UBR3: variants seen among roughly 807,000 people sequenced by gnomAD.
The protein encoded by UBR3 is E3 ubiquitin-protein ligase UBR3.
Under a neutral mutation model 243.2 loss-of-function variants are expected in UBR3, and 85 were observed. The observed-to-expected ratio is 0.35, with a 90% CI of 0.29 to 0.42. The LOEUF (loss-of-function observed/expected upper bound fraction) is 0.42, where lower values mean the gene tolerates loss of function less well. UBR3 is among the 10% of genes least tolerant of loss of function. UBR3 has a pLI of 1.00. For synonymous variants in UBR3, 748 were observed against 799.8 expected (o/e 0.94, Z 1.09); for missense variants, 1,686 against 2,300.8 (o/e 0.73, Z 5.47).
chr2:170,025,950 G>C (rs552069419), intron 30 of UBR3, among the ~76,000 whole-genome samples: 3 of 152,132 alleles, frequency 2.0e-5, no homozygotes, highest in Non-Finnish European at 4.4e-5. Context: ...GTTAGTCTGG[G>C]TGTATTGATT....
intron 23 of UBR3, among the ~76,000 whole-genome samples, chr2:169,955,718 TG>T (rs2087250684): frequency 1.4e-5 from 2 of 138,456 alleles, no homozygotes; most frequent in Admixed American, 1.7e-4. Flanking sequence ...TGCTTGAACC[TG>T]GGAGGCAGAG....
intron 33 of UBR3, among the ~76,000 whole-genome samples, chr2:170,056,145 C>CTATAGGCGCCTGCCA (rs919798439): frequency 2.0e-5 from 3 of 151,092 alleles, no homozygotes; most frequent in African/African-American, 7.3e-5. Flanking sequence ...GTAGCTGGGA[C>CTATAGGCGCCTGCCA]TATAGGCGCC....
At chr2:170,002,694 T>C (rs1027506329) in intron 27 of UBR3, among the ~76,000 whole-genome samples, 1 of 152,202 alleles carries the variant, frequency 6.6e-6, no homozygotes, top group Non-Finnish European at 1.5e-5. Flanking sequence ...AACTTCTTTT[T>C]CTTCTGTATT....
intron 8 of UBR3, among the ~76,000 whole-genome samples, chr2:169,897,219 C>T (rs991883796): frequency 6.6e-6 from 1 of 151,954 alleles, no homozygotes; most frequent in Non-Finnish European, 1.5e-5. Context: ...CATAAATTTG[C>T]TGCTATCAGT....
intron 20 of UBR3, among the ~76,000 whole-genome samples, chr2:169,944,446 C>G (rs1259410609): frequency 1.3e-5 from 2 of 152,060 alleles, no homozygotes; most frequent in Admixed American, 1.3e-4. Flanking sequence ...GCTAAATGTA[C>G]AAATAGTATT....
Position 169,857,064 on chromosome 2 carries a change from G to GTTTTGTTTTT in UBR3, c.546-15168_546-15167insGTTTTTTTTT, listed in dbSNP as rs1255937396. On this transcript the variant is annotated intron_variant, in intron 1 of 38. Transcript: ENST00000272793. Reference sequence around the variant, plus strand: ...ATGATTTCCAGCATAATTTTATTATGTTTTTTTTTTTTTTTTTTTTTTTTT... The same window carrying GTTTTGTTTTT: ...ATGATTTCCAGCATAATTTTATTATGTTTTGTTTTTTTTTTTTTTTTTTTTTTTTTTTTTT... Among the ~76,000 whole-genome samples, 167 of 56,086 alleles carry GTTTTGTTTTT rather than the reference G, an allele frequency of 3.0e-3. 21 individuals are homozygous for GTTTTGTTTTT. The highest frequency in any genetic ancestry group is 0.011 in the East Asian group (13 of 1,152). The allele number at this position is 56,086 out of a possible 152,430, so 36.8% of individuals were successfully genotyped here. A position where few individuals can be genotyped will look rare whatever the true frequency, so the allele number is the denominator to read the frequency against.
Position 169,905,181 on chromosome 2 carries a change from G to T in UBR3, c.1533G>T (p.Trp511Cys). 1.9e-6 allele frequency: 3 copies of T among 1,544,850 alleles called. No homozygotes were observed. Among genetic ancestry groups the T allele is most frequent in the Non-Finnish European group, 1.7e-6 (2 of 1,143,932 alleles). ...GEALLKNNTY[W>C]PLVSDFINIL... ...CATTACTGAAGAATAACACTTACTG[G>T]CCTCTTGTTAGTGATTTTATTAATA... is the stretch of plus-strand genomic sequence containing the variant. Residue 511 changes from tryptophan to cysteine, a missense_variant, in exon 9 of 39, where the codon TGG becomes TGT. Physicochemically the swap from Trp to Cys is radical, Grantham distance 215. This residue lies in a region of UBR3 where 346 missense variants were observed against 585.8 expected (regional missense o/e 0.59). Transcript: ENST00000272793.
intron 23 of UBR3, among the ~76,000 whole-genome samples, chr2:169,955,667 G>T (rs1033825233): frequency 1.3e-5 from 2 of 151,692 alleles, no homozygotes; most frequent in African/African-American, 4.8e-5. Flanking sequence ...GGTGGTGCGT[G>T]CCTGTAATCC....
chr2:169,998,565 A>G (rs187844500), intron 26 of UBR3, among the ~76,000 whole-genome samples: 6 of 152,176 alleles, frequency 3.9e-5, no homozygotes, highest in Non-Finnish European at 5.9e-5. Flanking sequence ...TGTGTTGTAG[A>G]TGCTTACTGG....
At chr2:169,839,756 C>T (rs1357956197) in intron 1 of UBR3, among the ~76,000 whole-genome samples, 1 of 152,110 alleles carries the variant, frequency 6.6e-6, no homozygotes, top group Non-Finnish European at 1.5e-5. Flanking sequence ...AGAGGAGTGA[C>T]AGATCACAAG....
Position 169,926,733 on chromosome 2 carries a change from C to A in UBR3, c.2193C>A (p.Ser731=), listed in dbSNP as rs543767039. ...TTGACCCAGATTATTTTATTTCATC[C>A]GTCTTTGAAAGGTAGGCATAATTTT... ...SRLDPDYFIS[S]VFERFKVVDL... is the part of the protein sequence containing the mutation. Residue 731 remains serine, a synonymous_variant, in exon 15 of 39, where the codon TCC becomes TCA. Transcript: ENST00000272793. 1 of 1,549,574 alleles carries A rather than the reference C, an allele frequency of 6.5e-7. No individual in the cohort carries two copies. Among genetic ancestry groups the A allele is most frequent in the Non-Finnish European group, 8.7e-7 (1 of 1,146,394 alleles).
chr2:169,954,977 C>A (rs938537224), intron 23 of UBR3, among the ~76,000 whole-genome samples: 1 of 152,152 alleles, frequency 6.6e-6, no homozygotes, highest in African/African-American at 2.4e-5. Context: ...GTTTTCATAA[C>A]CTTGGCACTT....
intron 31 of UBR3, among the ~76,000 whole-genome samples, chr2:170,033,422 A>T (rs958982359): frequency 1.3e-5 from 2 of 151,980 alleles, no homozygotes; most frequent in African/African-American, 4.8e-5. Context: ...GTCAATTAAC[A>T]TGATCTTTAG....
chr2:169,895,062 T>C (rs2084529898), intron 6 of UBR3, 119 bp from the exon 7 acceptor site: 1 of 960,472 alleles, frequency 1.0e-6, no homozygotes, highest in Non-Finnish European at 1.4e-6. Flanking sequence ...TATTGCATTA[T>C]TGTAAGGATA....
rs534616214 is a variant in UBR3, at chr2:169,925,741, G to C, written c.2145G>C (p.Leu715=). Residue 715 remains leucine (L), a synonymous_variant, in exon 14 of 39, where the codon CTG becomes CTC. Coordinates refer to ENST00000272793, the MANE Select transcript of UBR3 (RefSeq NM_172070.4). ...CCATGATTGATCCTGACATTTACCTGTTACAGGTAAGCCAGCTAGATAATG... is the reference window on the plus strand; with the variant it reads ...CCATGATTGATCCTGACATTTACCTCTTACAGGTAAGCCAGCTAGATAATG... ...CNSMIDPDIY[L]LQVCASRLDP... is the part of the protein sequence containing the mutation. 14 of 1,545,696 alleles carry C rather than the reference G, an allele frequency of 9.1e-6. No individual in the cohort carries two copies. The East Asian group carries it at 3.0e-4, about 33-fold the overall frequency.
intron 11 of UBR3, among the ~76,000 whole-genome samples, chr2:169,915,841 A>C (rs1428445208): frequency 6.6e-6 from 1 of 152,070 alleles, no homozygotes; most frequent in Admixed American, 6.5e-5. Context: ...TTTCTATTTT[A>C]TTCAATGGGT....
intron 7 of UBR3, 146 bp downstream of exon 7, chr2:169,895,457 C>T: frequency 1.1e-6 from 1 of 934,164 alleles, no homozygotes; most frequent in Non-Finnish European, 1.5e-6. Context: ...AACACAAGTT[C>T]TTCACAAAAG....
chr2:169,895,325 T>C lies in UBR3; in HGVS notation c.1236+14T>C. On this transcript the variant is annotated intron_variant, in intron 7 of 38. Transcript: ENST00000272793. ...CAAGAGTATAAGGTATCTATATATT[T>C]TCCTGCTTTTCTGAACTTAGCTTTT... 2 of 1,523,670 alleles carry C rather than the reference T, an allele frequency of 1.3e-6. No individual in the cohort carries two copies. The highest frequency in any genetic ancestry group is 1.8e-6 in the Non-Finnish European group (2 of 1,139,880). The allele number at this position is 1,523,670 out of a possible 1,614,324, so 94.4% of individuals were successfully genotyped here. A position where few individuals can be genotyped will look rare whatever the true frequency, so the allele number is the denominator to read the frequency against.
At chr2:170,047,790 A>C (rs1281305525) in intron 32 of UBR3, among the ~76,000 whole-genome samples, 1 of 152,212 alleles carries the variant, frequency 6.6e-6, no homozygotes, top group Non-Finnish European at 1.5e-5. Flanking sequence ...CTGAAATCTC[A>C]TGCTGTCTTG....
Sources: gnomAD v4.1 joint callset for allele counts (sites outside exome capture counted in the v4.1 genomes callset) on GRCh38, gnomAD v4.1.1 for gene constraint, gnomAD v4.1.1 regional missense constraint, MANE v1.5 for transcripts, NCBI Gene and HGNC (gene_info 2026-07-23, HGNC 2026-07-21) for gene names.